ABT1: variants seen among roughly 807,000 people sequenced by gnomAD.
The protein encoded by ABT1 is TATA-binding protein-binding protein.
A neutral mutation model predicts 14.0 loss-of-function variants in ABT1; 13 were observed. That is an observed-to-expected ratio of 0.93 (90% CI 0.61 to 1.48). ABT1 has a LOEUF of 1.48. Ranked by LOEUF, ABT1 falls within the 40% of genes most tolerant of loss-of-function variation. ABT1 has a pLI of 0.00. For missense variants in ABT1, 430 were observed against 380.0 expected (o/e 1.13, Z -1.09); for synonymous variants, 165 against 144.6 (o/e 1.14, Z -1.01).
In ABT1 at chr6:26,597,034, G is replaced by A. The variant is rs968684075; in HGVS notation, c.52G>A (p.Gly18Arg). 16 of 1,613,652 alleles carry A rather than the reference G, an allele frequency of 9.9e-6. No individual in the cohort carries two copies. Among genetic ancestry groups the A allele is most frequent in the Non-Finnish European group, 1.3e-5 (15 of 1,179,986 alleles). The change falls in exon 1 of 3, where the codon GGG becomes AGG. Residue 18 changes from glycine to arginine, a missense_variant. Physicochemically the swap from Gly to Arg is moderately radical, Grantham distance 125. Transcript: ENST00000274849. ...KAATEQEPLE[G>R]TEQTLDAEEE... ...CGCAACGGAGCAAGAGCCGCTGGAAGGGACAGAACAGACACTAGATGCGGA... is the reference window on the plus strand; with the variant it reads ...CGCAACGGAGCAAGAGCCGCTGGAAAGGACAGAACAGACACTAGATGCGGA...
At chr6:26,597,639 C>T (rs782547537) in intron 1 of ABT1, among the ~76,000 whole-genome samples, 18 of 152,160 alleles carry the variant, frequency 1.2e-4, no homozygotes, top group Non-Finnish European at 2.2e-4. Flanking sequence ...ATCAACCGCC[C>T]CTCTTCTTTC....
chr6:26,598,094 A>G lies in ABT1; in HGVS notation c.422A>G (p.Asp141Gly), dbSNP rs1400805322. The G allele has an allele frequency of 6.2e-7, 1 of 1,610,364 alleles. No individual in the cohort carries two copies. Among genetic ancestry groups the G allele is most frequent in the Non-Finnish European group, 8.5e-7 (1 of 1,177,140 alleles). ...GARRRSPFRY[D>G]LWNLKYLHRF... is the part of the protein sequence containing the mutation. ...CGCAGGCGCAGCCCCTTCCGTTATG[A>G]TCTTTGGAACCTCAAGGTGAGAAGA... The change falls in exon 2 of 3, where the codon GAT (aspartate) becomes GGT (glycine). Residue 141 changes from aspartate to glycine, a missense_variant. Coordinates refer to ENST00000274849, the MANE Select transcript of ABT1 (RefSeq NM_013375.4).
Position 26,598,421 on chromosome 6 carries a change from G to A in ABT1, c.595G>A (p.Asp199Asn), listed in dbSNP as rs151288548. Residue 199 changes from aspartate (D) to asparagine (N), a missense_variant, in exon 3 of 3, where the codon GAT becomes AAT. Coordinates refer to ENST00000274849, the MANE Select transcript of ABT1 (RefSeq NM_013375.4). ...VERGQRFLAA[D>N]GDPARPDGSW... ...ACGGGGACAACGCTTTCTTGCGGCC[G>A]ATGGGGACCCTGCTCGCCCAGATGG... is the stretch of plus-strand genomic sequence containing the variant. 7 of 1,614,122 alleles carry A rather than the reference G, an allele frequency of 4.3e-6. No homozygotes were observed. The highest frequency in any genetic ancestry group is 1.6e-4 in the Middle Eastern group (1 of 6,084).
At position 26,598,036 on chromosome 6, in the gene ABT1, G is replaced by T. The variant is rs782082481; in HGVS notation, c.364G>T (p.Ala122Ser). The part of the protein sequence containing the change: ...FRDKRIAKRV[A>S]ASLHNTPMGA... Reference sequence around the variant, plus strand: ...TGACAAGCGCATAGCCAAGCGCGTGGCGGCCAGTCTACACAACACGCCTAT... The same window carrying T: ...TGACAAGCGCATAGCCAAGCGCGTGTCGGCCAGTCTACACAACACGCCTAT... Residue 122 changes from alanine to serine, a missense_variant, in exon 2 of 3, where the codon GCG becomes TCG. Ala to Ser is a moderately conservative substitution (Grantham distance 99). Transcript: ENST00000274849. 4 of 1,614,222 alleles carry T rather than the reference G, an allele frequency of 2.5e-6. No individual in the cohort carries two copies. The highest frequency in any genetic ancestry group is 2.5e-6 in the Non-Finnish European group (3 of 1,180,044).
In ABT1 at chr6:26,597,228, G is replaced by C. The variant is rs1554144588; in HGVS notation, c.241+5G>C. On this transcript the variant is annotated splice_donor_5th_base_variant and intron_variant, in intron 1 of 2. Coordinates refer to ENST00000274849, the MANE Select transcript of ABT1 (RefSeq NM_013375.4). Reference sequence around the variant, plus strand: ...GCGTCTTCTTTCAGGCTGAGGGTAAGTATGCAGGCCCTGACGGTGACAGGA... The same window carrying C: ...GCGTCTTCTTTCAGGCTGAGGGTAACTATGCAGGCCCTGACGGTGACAGGA... The C allele has an allele frequency of 4.3e-6, 7 of 1,613,812 alleles. No homozygotes were observed. In the South Asian group the frequency reaches 7.7e-5, roughly 18 times the overall value.
chr6:26,597,243 C>T lies in ABT1; in HGVS notation c.241+20C>T, dbSNP rs1554144590. 8 of 1,609,702 alleles carry T rather than the reference C, an allele frequency of 5.0e-6. No homozygotes were observed. The highest frequency in any genetic ancestry group is 6.8e-6 in the Non-Finnish European group (8 of 1,176,966). ...CTGAGGGTAAGTATGCAGGCCCTGA[C>T]GGTGACAGGAGGAGGTTGTCGCTCG... On this transcript the variant is annotated intron_variant, in intron 1 of 2. Coordinates refer to ENST00000274849, the MANE Select transcript of ABT1 (RefSeq NM_013375.4).
rs1554144932 is a variant in ABT1 at position 26,599,886 on chromosome 6, CTGTT to C, written c.*1244_*1247del. 6.6e-6 allele frequency: 1 copy of C among 152,238 alleles called. No individual in the cohort carries two copies. Among genetic ancestry groups the C allele is most frequent in the Non-Finnish European group, 1.5e-5 (1 of 68,066 alleles). The allele number at this position is 152,238 out of a possible 1,614,324, so 9.4% of individuals were successfully genotyped here. On this transcript the variant is annotated 3_prime_UTR_variant, in exon 3 of 3. Coordinates refer to ENST00000274849, the MANE Select transcript of ABT1 (RefSeq NM_013375.4). ...AAGTGATAGAGTATGATTATAATTTCTGTTTGCTTGTGCTGTTTGTTTTTGTTTT... is the reference window on the plus strand; with the variant it reads ...AAGTGATAGAGTATGATTATAATTTCTGCTTGTGCTGTTTGTTTTTGTTTT...
chr6:26,600,300 C>G lies in ABT1; in HGVS notation c.*1655C>G, dbSNP rs890388944. ...CTACTTCTGCTAGATAAAGAGATACCAAGGTGAAGAAGAAACTTTCCCTCT... is the reference window on the plus strand; with the variant it reads ...CTACTTCTGCTAGATAAAGAGATACGAAGGTGAAGAAGAAACTTTCCCTCT... On this transcript the variant is annotated 3_prime_UTR_variant, in exon 3 of 3. Transcript: ENST00000274849. 1.3e-5 allele frequency: 2 copies of G among 152,148 alleles called. No individual in the cohort carries two copies. Among genetic ancestry groups the G allele is most frequent in the Non-Finnish European group, 2.9e-5 (2 of 68,038 alleles). The allele number at this position is 152,148 out of a possible 1,614,324, so 9.4% of individuals were successfully genotyped here.
Position 26,598,780 on chromosome 6 carries a change from G to C in ABT1, c.*135G>C. 8.2e-7 allele frequency: 1 copy of C among 1,213,518 alleles called. No homozygotes were observed. Among genetic ancestry groups the C allele is most frequent in the Admixed American group, 2.9e-5 (1 of 34,432 alleles). The allele number at this position is 1,213,518 out of a possible 1,614,324, so 75.2% of individuals were successfully genotyped here. On this transcript the variant is annotated 3_prime_UTR_variant, in exon 3 of 3. Coordinates refer to ENST00000274849, the MANE Select transcript of ABT1 (RefSeq NM_013375.4). ...AGTGTCTACTGATGGCCCAAACATG[G>C]AGTTTTGTGGGCTTCCACTGTCCCC... is the stretch of plus-strand genomic sequence containing the variant.
In ABT1 at chr6:26,598,406, C is replaced by T; in HGVS notation, c.580C>T (p.Arg194Cys). ...TCTTCAAAGTGTGGAACGGGGACAA[C>T]GCTTTCTTGCGGCCGATGGGGACCC... ...FYLQSVERGQ[R>C]FLAADGDPAR... The change falls in exon 3 of 3, where the codon CGC (arginine) becomes TGC (cysteine). Residue 194 changes from arginine to cysteine, a missense_variant. Physicochemically the swap from Arg to Cys is radical, Grantham distance 180. Coordinates refer to ENST00000274849, the MANE Select transcript of ABT1 (RefSeq NM_013375.4). 4.3e-6 allele frequency: 7 copies of T among 1,614,274 alleles called. No individual in the cohort carries two copies. The highest frequency in any genetic ancestry group is 5.9e-6 in the Non-Finnish European group (7 of 1,180,050).
In ABT1 at chr6:26,597,215, A is replaced by G. The variant is rs1445948377; in HGVS notation, c.233A>G (p.Gln78Arg). The change falls in exon 1 of 3, where the codon CAG becomes CGG. Residue 78 changes from glutamine to arginine, a missense_variant. Coordinates refer to ENST00000274849, the MANE Select transcript of ABT1 (RefSeq NM_013375.4). ...GGCGAGGTCGGACGCGTCTTCTTTC[A>G]GGCTGAGGGTAAGTATGCAGGCCCT... ...AYGEVGRVFF[Q>R]AEDRFVRRKK... The G allele has an allele frequency of 1.3e-5, 21 of 1,614,088 alleles. No homozygotes were observed. The highest frequency in any genetic ancestry group is 1.7e-5 in the Non-Finnish European group (20 of 1,179,974).
chr6:26,597,947 C>A lies in ABT1; in HGVS notation c.275C>A (p.Ala92Glu). ...GTGAGACGCAAGAAGAAGGCAGCAG[C>A]AGCTGCCGGAGGAAAAAAGCGGTCC... The part of the protein sequence containing the change: ...RFVRRKKKAA[A>E]AAGGKKRSYT... The change falls in exon 2 of 3, where the codon GCA becomes GAA. Residue 92 changes from alanine (A) to glutamate (E), a missense_variant. Ala to Glu is a moderately radical substitution (Grantham distance 107). Transcript: ENST00000274849. 6.2e-7 allele frequency: 1 copy of A among 1,613,340 alleles called. No individual in the cohort carries two copies. Among genetic ancestry groups the A allele is most frequent in the Non-Finnish European group, 8.5e-7 (1 of 1,179,512 alleles).
rs1554144779 is a variant in ABT1, at chr6:26,598,315, G to T, written c.489G>T (p.Glu163Asp). The change falls in exon 3 of 3, where the codon GAG (glutamate) becomes GAT (aspartate). Residue 163 changes from glutamate to aspartate, a missense_variant. Coordinates refer to ENST00000274849, the MANE Select transcript of ABT1 (RefSeq NM_013375.4). ...WSHLSEHLAF[E>D]RQVRRQRLRA... ...ACCTCAGCGAGCACCTCGCCTTTGAGCGCCAGGTGCGCAGGCAGCGCTTGA... is the reference window on the plus strand; with the variant it reads ...ACCTCAGCGAGCACCTCGCCTTTGATCGCCAGGTGCGCAGGCAGCGCTTGA... 2 of 1,614,242 alleles carry T rather than the reference G, an allele frequency of 1.2e-6. No homozygotes were observed. Among genetic ancestry groups the T allele is most frequent in the African/African-American group, 2.7e-5 (2 of 75,074 alleles).
rs1383988127 is a variant in ABT1 at position 26,598,810 on chromosome 6, C to T, written c.*165C>T. The T allele has an allele frequency of 8.3e-6, 7 of 843,918 alleles. No homozygotes were observed. The highest frequency in any genetic ancestry group is 3.7e-4 in the Middle Eastern group (1 of 2,708). The allele number at this position is 843,918 out of a possible 1,614,324, so 52.3% of individuals were successfully genotyped here. ...TTGTGGGCTTCCACTGTCCCCACTC[C>T]GAACTCCTGTATGTGCCTGGCTGAG... On this transcript the variant is annotated 3_prime_UTR_variant, in exon 3 of 3. Transcript: ENST00000274849.
Position 26,598,724 on chromosome 6 carries a change from G to A in ABT1, c.*79G>A. 4.1e-6 allele frequency: 6 copies of A among 1,474,278 alleles called. No homozygotes were observed. The highest frequency in any genetic ancestry group is 2.8e-5 in the African/African-American group (2 of 71,150). 91.3% of individuals were successfully genotyped at this position (1,474,278 alleles called of 1,614,324 possible). A position where few individuals can be genotyped will look rare whatever the true frequency, so the allele number is the denominator to read the frequency against. Reference sequence around the variant, plus strand: ...CATACTAGAATGATCGTGACTACCCGGGCAGACATTTTACTGTGTTTCTCA... The same window carrying A: ...CATACTAGAATGATCGTGACTACCCAGGCAGACATTTTACTGTGTTTCTCA... On this transcript the variant is annotated 3_prime_UTR_variant, in exon 3 of 3. Coordinates refer to ENST00000274849, the MANE Select transcript of ABT1 (RefSeq NM_013375.4).
chr6:26,597,777 G>C (rs1764921308), intron 1 of ABT1, 137 bp from the exon 2 acceptor site: 1 of 800,672 alleles, frequency 1.2e-6, no homozygotes, highest in African/African-American at 1.7e-5. Context: ...GCGATTTACA[G>C]TTCCCTTCCT....
chr6:26,598,815 T>A lies in ABT1; in HGVS notation c.*170T>A. 1 of 782,238 alleles carries A rather than the reference T, an allele frequency of 1.3e-6. No homozygotes were observed. The highest frequency in any genetic ancestry group is 1.7e-5 in the African/African-American group (1 of 57,280). The allele number at this position is 782,238 out of a possible 1,614,324, so 48.5% of individuals were successfully genotyped here. On this transcript the variant is annotated 3_prime_UTR_variant, in exon 3 of 3. Transcript: ENST00000274849. Reference sequence around the variant, plus strand: ...GGCTTCCACTGTCCCCACTCCGAACTCCTGTATGTGCCTGGCTGAGTCACC... The same window carrying A: ...GGCTTCCACTGTCCCCACTCCGAACACCTGTATGTGCCTGGCTGAGTCACC...
Position 26,599,131 on chromosome 6 carries a change from AT to A in ABT1, c.*491del, listed in dbSNP as rs1554144885. ...TAATGTATTTATAGAAAATAAAAATATTTTTATGTGCCTTTTTATTTTTGTT... is the reference window on the plus strand; with the variant it reads ...TAATGTATTTATAGAAAATAAAAATATTTTATGTGCCTTTTTATTTTTGTT... On this transcript the variant is annotated 3_prime_UTR_variant, in exon 3 of 3. Transcript: ENST00000274849. The A allele has an allele frequency of 1.3e-5, 2 of 152,324 alleles. No homozygotes were observed. The highest frequency in any genetic ancestry group is 4.8e-5 in the African/African-American group (2 of 41,414). The allele number at this position is 152,324 out of a possible 1,614,324, so 9.4% of individuals were successfully genotyped here. A position where few individuals can be genotyped will look rare whatever the true frequency, so the allele number is the denominator to read the frequency against.
At position 26,597,129 on chromosome 6, in the gene ABT1, C is replaced by T. The variant is rs1764911639; in HGVS notation, c.147C>T (p.Tyr49=). The change falls in exon 1 of 3, where the codon TAC becomes TAT. Residue 49 remains tyrosine, a synonymous_variant. Coordinates refer to ENST00000274849, the MANE Select transcript of ABT1 (RefSeq NM_013375.4). ...AACGGGTAGTGCCAGGTATTGTGTA[C>T]CTGGGCCATATCCCGCCGCGCTTCC... ...SKKRVVPGIV[Y]LGHIPPRFRP... is the part of the protein sequence containing the mutation. 1.2e-6 allele frequency: 2 copies of T among 1,614,136 alleles called. No individual in the cohort carries two copies. The highest frequency in any genetic ancestry group is 1.7e-6 in the Non-Finnish European group (2 of 1,180,008).
Sources: allele counts gnomAD v4.1 joint callset (sites outside exome capture counted in the v4.1 genomes callset), GRCh38; gene constraint gnomAD v4.1.1; transcripts MANE v1.5; gene names NCBI Gene and HGNC (gene_info 2026-07-23, HGNC 2026-07-21).